Variants in PLEK2 observed in about 807,000 individuals in gnomAD.
PLEK2 encodes pleckstrin 2.
Under a neutral mutation model 43.8 loss-of-function variants are expected in PLEK2, and 29 were observed. That is an observed-to-expected ratio of 0.66 (90% CI 0.49 to 0.90). The LOEUF is 0.90. Among genes scored for constraint, PLEK2 ranks in the 40% least tolerant of loss-of-function variants. The pLI is 0.00. For synonymous variants in PLEK2, 162 were observed against 173.2 expected, an observed-to-expected ratio of 0.94 and a Z score of 0.51; for missense variants, 398 against 448.1, an observed-to-expected ratio of 0.89 and a Z score of 1.01.
chr14:67,391,271 ATGTGTGTGTGTGTGTG>A (rs61156733), intron 6 of PLEK2, among the ~76,000 whole-genome samples: 37 of 143,912 alleles, frequency 2.6e-4, no homozygotes, highest in South Asian at 6.9e-4. Flanking sequence ...AGCAGCTGAT[ATGTGTGTGTGTGTGTG>A]TGTGTGTGTG....
intron 1 of PLEK2, among the ~76,000 whole-genome samples, chr14:67,404,435 C>A (rs534020283): frequency 1.3e-5 from 2 of 152,272 alleles, no homozygotes; most frequent in East Asian, 3.9e-4. Context: ...CCAGCCTGGG[C>A]AACATAGTGA....
At chr14:67,391,750 G>A (rs1352728374) in intron 6 of PLEK2, among the ~76,000 whole-genome samples, 1 of 152,224 alleles carries the variant, frequency 6.6e-6, no homozygotes, top group African/African-American at 2.4e-5. Flanking sequence ...AGGTAGGAAT[G>A]CCGCAGGACA....
intron 1 of PLEK2, among the ~76,000 whole-genome samples, chr14:67,405,677 TTCTC>T (rs1315444076): frequency 2.6e-5 from 4 of 152,222 alleles, no homozygotes; most frequent in Non-Finnish European, 5.9e-5. Context: ...CTTATTGGCA[TTCTC>T]TCTCTTTCTC....
At chr14:67,411,992 T>C in intron 1 of PLEK2, 26 bp downstream of exon 1, 2 of 1,534,248 alleles carry the variant, frequency 1.3e-6, no homozygotes, top group South Asian at 2.4e-5. Context: ...ACCCGGGCAA[T>C]GTCCCGAAGC....
At chr14:67,411,246 G>A (rs1595662356) in intron 1 of PLEK2, among the ~76,000 whole-genome samples, 1 of 152,112 alleles carries the variant, frequency 6.6e-6, no homozygotes, top group East Asian at 1.9e-4. Flanking sequence ...CAGGCACTGA[G>A]TTTTTGTTTG....
At chr14:67,387,664 A>G (rs2085936622) in intron 8 of PLEK2, among the ~76,000 whole-genome samples, 1 of 152,126 alleles carries the variant, frequency 6.6e-6, no homozygotes, top group African/African-American at 2.4e-5. Flanking sequence ...AGGCCTTCCA[A>G]TGGTTATGTC....
chr14:67,411,961 G>A (rs1328482802), intron 1 of PLEK2, 57 bp downstream of exon 1: 4 of 1,456,696 alleles, frequency 2.7e-6, no homozygotes, highest in Non-Finnish European at 3.7e-6. Context: ...CCGCTCTAGG[G>A]AGCCGCGTCG....
rs773861270 is a variant in PLEK2 at position 67,392,857 on chromosome 14, A to AG, written c.482-9dup. ...AGTCCACCAGGGAGGAGCCTGGCCA[A>AG]GGGCAGCACCAGTCAGGCGATGGGT... On this transcript the variant is annotated splice_polypyrimidine_tract_variant and intron_variant, in intron 4 of 8. Transcript: ENST00000216446. The AG allele has an allele frequency of 1.9e-5, 30 of 1,603,940 alleles. No individual in the cohort carries two copies. In the East Asian group the frequency reaches 6.3e-4, roughly 34 times the overall value.
intron 1 of PLEK2, among the ~76,000 whole-genome samples, chr14:67,405,332 A>C (rs1433008249): frequency 6.6e-6 from 1 of 152,176 alleles, no homozygotes; most frequent in Non-Finnish European, 1.5e-5. Context: ...TATCATGAAA[A>C]AATGAATTTA....
intron 6 of PLEK2, among the ~76,000 whole-genome samples, chr14:67,391,269 ATATGTGTGTGTGTGTGTGTGTGTG>A (rs1273006869): frequency 2.1e-5 from 3 of 139,568 alleles, no homozygotes; most frequent in African/African-American, 8.8e-5. Context: ...TAAGCAGCTG[ATATGTGTGTGTGTGTGTGTGTGTG>A]TGTGTGTGTG....
intron 1 of PLEK2, 66 bp downstream of exon 1, chr14:67,411,952 C>G (rs866646824): frequency 1.4e-6 from 2 of 1,416,724 alleles, no homozygotes; most frequent in East Asian, 2.8e-5. Context: ...CGTCTGGCCC[C>G]GCTCTAGGGA....
chr14:67,411,136 CAAAAA>C (rs925514488), intron 1 of PLEK2, among the ~76,000 whole-genome samples: 2 of 52,064 alleles, frequency 3.8e-5, no homozygotes, highest in African/African-American at 1.4e-4. Flanking sequence ...GACCCTGTCT[CAAAAA>C]AAAAAAAAAA....
chr14:67,389,494 C>A (rs1211273563), intron 7 of PLEK2, among the ~76,000 whole-genome samples: 2 of 152,140 alleles, frequency 1.3e-5, no homozygotes, highest in Non-Finnish European at 2.9e-5. Flanking sequence ...TTTGGCAATT[C>A]TTTTATTTCC....
Position 67,397,705 on chromosome 14 carries a change from C to T in PLEK2, c.164G>A (p.Gly55Asp). The change falls in exon 2 of 9, where the codon GGC (glycine) becomes GAC (aspartate). Residue 55 changes from glycine (G) to aspartate (D), a missense_variant. By Grantham distance (94) the Gly-to-Asp change is moderately conservative (BLOSUM62 -1). Coordinates refer to ENST00000216446, the MANE Select transcript of PLEK2 (RefSeq NM_016445.3). ...CAGGCAGGGGCAGGTGATGGTGCAG[C>T]CATCCAGGAGGATCCGGCCCTTGGG... ...TPPKGRILLD[G>D]CTITCPCLEY... 1 of 1,613,520 alleles carries T rather than the reference C, an allele frequency of 6.2e-7. No homozygotes were observed. Among genetic ancestry groups the T allele is most frequent in the Non-Finnish European group, 8.5e-7 (1 of 1,179,738 alleles).
Position 67,390,526 on chromosome 14 carries a change from A to G in PLEK2, c.855+137T>C, listed in dbSNP as rs186630994. The stretch of plus-strand genomic sequence containing the variant: ...GCAGAGCAGCTTGGACTGTGGAAGG[A>G]AAGGCATGGTGCAGCAGACTTTACG... On this transcript the variant is annotated intron_variant, in intron 7 of 8. Transcript: ENST00000216446. The G allele has an allele frequency of 2.6e-5, 19 of 717,746 alleles. No homozygotes were observed. In the East Asian group the frequency reaches 4.5e-4, roughly 17 times the overall value. 44.5% of individuals were successfully genotyped at this position (717,746 alleles called of 1,614,324 possible).
intron 1 of PLEK2, among the ~76,000 whole-genome samples, chr14:67,403,382 A>G (rs554221280): frequency 2.0e-5 from 3 of 152,346 alleles, no homozygotes; most frequent in Admixed American, 2.0e-4. Flanking sequence ...TGGCAAACAG[A>G]GTCAGCAGTG....
intron 1 of PLEK2, among the ~76,000 whole-genome samples, chr14:67,408,267 C>T (rs2086092647): frequency 7.0e-6 from 1 of 143,434 alleles, no homozygotes; most frequent in Non-Finnish European, 1.5e-5. Flanking sequence ...GCCTGGGCAA[C>T]AAGAGCAAAA....
At chr14:67,392,618 TA>T in intron 5 of PLEK2, 43 bp downstream of exon 5, 1 of 1,557,896 alleles carries the variant, frequency 6.4e-7, no homozygotes, top group Non-Finnish European at 8.8e-7. Context: ...GTGTCTTCCT[TA>T]ACTTTTGCCC....
At chr14:67,389,750 A>G (rs2085953333) in intron 7 of PLEK2, among the ~76,000 whole-genome samples, 1 of 151,960 alleles carries the variant, frequency 6.6e-6, no homozygotes, top group Non-Finnish European at 1.5e-5. Flanking sequence ...GTGAGAGTTA[A>G]ATACAAAACT....
Sources: allele counts gnomAD v4.1 joint callset (sites outside exome capture counted in the v4.1 genomes callset), GRCh38; gene constraint gnomAD v4.1.1; transcripts MANE v1.5; gene names NCBI Gene and HGNC (gene_info 2026-07-23, HGNC 2026-07-21).